The following ANO4 variants were observed in gnomAD, a reference collection of about 807,000 sequenced individuals.
ANO4 encodes the protein anoctamin-4.
A neutral mutation model predicts 141.9 loss-of-function variants in ANO4; 69 were observed. The ratio of observed to expected loss-of-function variants is 0.49; its 90% CI spans 0.40 to 0.59. ANO4 has a LOEUF of 0.59. Among genes scored for constraint, ANO4 ranks in the 20% least tolerant of loss-of-function variants. The pLI is 0.00. For missense variants in ANO4, 894 were observed against 1,162.2 expected (o/e 0.77, Z 3.36); for synonymous variants, 350 against 394.3 (o/e 0.89, Z 1.33).
At chr12:100,981,216 A>C (rs1480935991) in intron 7 of ANO4, among the ~76,000 whole-genome samples, 4 of 152,212 alleles carry the variant, frequency 2.6e-5, no homozygotes, top group African/African-American at 4.8e-5. Context: ...AGTCTTCTAT[A>C]AGGTATTTAG....
At position 100,934,822 on chromosome 12, in the gene ANO4, T is replaced by G. The variant is rs370405577; in HGVS notation, c.161-4493T>G. Among the ~76,000 whole-genome samples, 61 of 152,266 alleles carry G rather than the reference T, an allele frequency of 4.0e-4. No individual in the cohort carries two copies. The East Asian group carries it at 8.9e-3, about 22-fold the overall frequency. On this transcript the variant is annotated intron_variant, in intron 3 of 27. Transcript: ENST00000392977. Reference sequence around the variant, plus strand: ...GGTCCTTCACATCCCTTGTAAGTTGTATTCCTAGGTATTTTATTCTCTTTG... The same window carrying G: ...GGTCCTTCACATCCCTTGTAAGTTGGATTCCTAGGTATTTTATTCTCTTTG...
intron 1 of ANO4, among the ~76,000 whole-genome samples, chr12:100,894,378 T>C (rs1307017728): frequency 6.6e-6 from 1 of 151,912 alleles, no homozygotes; most frequent in Non-Finnish European, 1.5e-5. Context: ...GGTTCGGTGG[T>C]TGGGGGGAGC....
intron 5 of ANO4, among the ~76,000 whole-genome samples, chr12:100,944,783 C>T (rs1188965844): frequency 6.6e-6 from 1 of 152,116 alleles, no homozygotes; most frequent in Non-Finnish European, 1.5e-5. Context: ...TTTTCCCTGC[C>T]ATAAATAATT....
chr12:101,126,857 G>T, intron 26 of ANO4, 22 bp from the exon 27 acceptor site: 1 of 1,574,070 alleles, frequency 6.4e-7, no homozygotes, highest in Non-Finnish European at 8.6e-7. Flanking sequence ...ACCTGACGCT[G>T]TTACATTCTC....
intron 8 of ANO4, among the ~76,000 whole-genome samples, chr12:101,019,056 G>T (rs1189605507): frequency 2.0e-5 from 3 of 152,144 alleles, no homozygotes; most frequent in African/African-American, 7.2e-5. Context: ...GGGGACAGAA[G>T]TGTAGTTGGA....
At chr12:100,929,927 T>C (rs1037462924) in intron 3 of ANO4, among the ~76,000 whole-genome samples, 1 of 152,178 alleles carries the variant, frequency 6.6e-6, no homozygotes, top group African/African-American at 2.4e-5. Context: ...TCTCTGATGA[T>C]CAGTGGTGTT....
intron 7 of ANO4, among the ~76,000 whole-genome samples, chr12:100,984,499 A>C (rs1200159547): frequency 6.6e-6 from 1 of 152,210 alleles, no homozygotes; most frequent in Non-Finnish European, 1.5e-5. Context: ...AATGCTTGCT[A>C]TCTGTCTGGC....
At chr12:101,052,856 T>G (rs1593133663) in intron 14 of ANO4, among the ~76,000 whole-genome samples, 1 of 152,314 alleles carries the variant, frequency 6.6e-6, no homozygotes, top group Non-Finnish European at 1.5e-5. Context: ...AGAAAGAAAT[T>G]ACTAACCTCA....
upstream of ANO4, chr12:100,794,469 A>G (rs534619271): frequency 1.3e-5 from 2 of 152,258 alleles, no homozygotes; most frequent in South Asian, 4.2e-4. Flanking sequence ...AATCCTCCCA[A>G]ATTTCTTTTC....
At chr12:100,751,204 G>T (rs1020130257) in intron 3 of ANO4, among the ~76,000 whole-genome samples, 1 of 152,170 alleles carries the variant, frequency 6.6e-6, no homozygotes, top group Non-Finnish European at 1.5e-5. Context: ...AGCTGGGGGT[G>T]TACCATGGGG....
rs374075623 is a variant in ANO4, at chr12:100,951,472, G to A, written c.456+8937G>A. On this transcript the variant is annotated intron_variant, in intron 5 of 27. Coordinates refer to ENST00000392977, the MANE Select transcript of ANO4 (RefSeq NM_001286615.2). ...TGGCAGATTGGATAAAGAAAACATAGTACTTACACATCATAGAATACTATG... is the reference window on the plus strand; with the variant it reads ...TGGCAGATTGGATAAAGAAAACATAATACTTACACATCATAGAATACTATG... 1.7e-4 allele frequency among the ~76,000 whole-genome samples: 26 copies of A among 152,282 alleles called. No individual in the cohort carries two copies. In the East Asian group the frequency reaches 2.7e-3, roughly 16 times the overall value.
intron 1 of ANO4, among the ~76,000 whole-genome samples, chr12:100,869,576 A>T (rs529452194): frequency 6.6e-5 from 10 of 152,326 alleles, no homozygotes; most frequent in African/African-American, 2.4e-4. Context: ...TGAGCTGATC[A>T]TGTACTTGGT....
At chr12:100,925,761 T>C (rs917845955) in intron 3 of ANO4, among the ~76,000 whole-genome samples, 1 of 134,626 alleles carries the variant, frequency 7.4e-6, no homozygotes, top group Non-Finnish European at 1.6e-5. Context: ...ACTATTTATA[T>C]ATAGTATATA....
intron 13 of ANO4, among the ~76,000 whole-genome samples, chr12:101,044,338 C>T (rs1429552292): frequency 2.0e-5 from 3 of 152,132 alleles, no homozygotes; most frequent in African/African-American, 7.2e-5. Flanking sequence ...TACATGACAC[C>T]ACTATTTCTA....
chr12:100,906,200 G>C (rs2040837088), intron 2 of ANO4, among the ~76,000 whole-genome samples: 1 of 152,146 alleles, frequency 6.6e-6, no homozygotes, highest in Non-Finnish European at 1.5e-5. Flanking sequence ...TGCAAAGGAA[G>C]TAGGAAAGAG....
At chr12:101,022,967 C>A (rs2136507336) in intron 9 of ANO4, among the ~76,000 whole-genome samples, 1 of 152,250 alleles carries the variant, frequency 6.6e-6, no homozygotes, top group Non-Finnish European at 1.5e-5. Context: ...TCTCAAACTC[C>A]TGATCTTGTG....
At chr12:100,955,308 C>T (rs1260490973) in intron 5 of ANO4, among the ~76,000 whole-genome samples, 9 of 152,130 alleles carry the variant, frequency 5.9e-5, no homozygotes, top group Admixed American at 5.9e-4. Context: ...GTCTGGAGGA[C>T]CCCCCTTTTA....
At chr12:100,796,588 G>T (rs1012668118) in intron 1 of ANO4, among the ~76,000 whole-genome samples, 2 of 151,234 alleles carry the variant, frequency 1.3e-5, no homozygotes, top group Non-Finnish European at 2.9e-5. Context: ...TTACATGTTA[G>T]CCCTGTTCAA....
In ANO4 at chr12:101,031,522, A is replaced by G. The variant is rs192230534; in HGVS notation, c.842-5573A>G. 2.5e-3 allele frequency among the ~76,000 whole-genome samples: 387 copies of G among 152,338 alleles called. 1 individual carries two copies. The highest frequency in any genetic ancestry group is 6.8e-3 in the Middle Eastern group (2 of 294). On this transcript the variant is annotated intron_variant, in intron 9 of 27. Coordinates refer to ENST00000392977, the MANE Select transcript of ANO4 (RefSeq NM_001286615.2). ...AAACATTCCCTTTGAAAACCAGTAC[A>G]AGACAAGGATGCCCTCTCTCACCAC...
Sources: gnomAD v4.1 joint callset for allele counts (sites outside exome capture counted in the v4.1 genomes callset) on GRCh38, gnomAD v4.1.1 for gene constraint, MANE v1.5 for transcripts, NCBI Gene and HGNC (gene_info 2026-07-23, HGNC 2026-07-21) for gene names.